The following PPP1R12B variants were observed in gnomAD, a reference collection of about 807,000 sequenced individuals.
The protein encoded by PPP1R12B is myosin phosphatase target subunit 2.
Under a neutral mutation model 126.1 loss-of-function variants are expected in PPP1R12B, and 76 were observed. The ratio of observed to expected loss-of-function variants is 0.60; its 90% confidence interval spans 0.50 to 0.73. PPP1R12B has a LOEUF of 0.73. Ranked by LOEUF, PPP1R12B falls within the 30% of genes least tolerant of loss-of-function variation. The pLI is 0.00. For missense variants in PPP1R12B, 1,052 were observed against 1,205.1 expected (o/e 0.87, Z 1.88); for synonymous variants, 356 against 434.7 (o/e 0.82, Z 2.25).
chr1:202,567,489 G>A (rs1688167849), intron 21 of PPP1R12B: 1 of 329,130 alleles, frequency 3.0e-6, no homozygotes, highest in Admixed American at 4.6e-5. Context: ...GACCTGTGGA[G>A]AGAGAGAGAG....
chr1:202,463,303 C>T (rs1448009830), intron 13 of PPP1R12B, among the ~76,000 whole-genome samples: 1 of 152,124 alleles, frequency 6.6e-6, no homozygotes, highest in Non-Finnish European at 1.5e-5. Flanking sequence ...TTATAAACAT[C>T]AGACCCAAAA....
At chr1:202,462,937 G>T in intron 13 of PPP1R12B, 1 of 985,368 alleles carries the variant, frequency 1.0e-6, no homozygotes, top group African/African-American at 1.7e-5. Flanking sequence ...GCCATTCCTG[G>T]TTTTATGGAA....
At chr1:202,486,452 C>T (rs771297260) in intron 13 of PPP1R12B, among the ~76,000 whole-genome samples, 35 of 152,036 alleles carry the variant, frequency 2.3e-4, no homozygotes, top group Non-Finnish European at 4.7e-4. Flanking sequence ...AAAACAATTA[C>T]CAAAACAGAA....
At chr1:202,392,097 A>C (rs1342837338) in intron 1 of PPP1R12B, among the ~76,000 whole-genome samples, 1 of 142,776 alleles carries the variant, frequency 7.0e-6, no homozygotes, top group Admixed American at 7.0e-5. Context: ...TAAATGAATT[A>C]TCTTCAGGTG....
At chr1:202,452,456 A>G (rs1201315524) in intron 13 of PPP1R12B, among the ~76,000 whole-genome samples, 1 of 152,204 alleles carries the variant, frequency 6.6e-6, no homozygotes, top group Admixed American at 6.5e-5. Context: ...AGGCTGAGGC[A>G]GGAGAATCAG....
intron 18 of PPP1R12B, among the ~76,000 whole-genome samples, chr1:202,536,656 A>G (rs1225475962): frequency 6.6e-6 from 1 of 152,236 alleles, no homozygotes; most frequent in African/African-American, 2.4e-5. Context: ...TTTTTACTTT[A>G]TACGTTTTTA....
chr1:202,415,796 AGAAAATACAT>A (rs1268084128), intron 1 of PPP1R12B, among the ~76,000 whole-genome samples: 1 of 152,226 alleles, frequency 6.6e-6, no homozygotes, highest in Admixed American at 6.5e-5. Context: ...GAAGCCATTC[AGAAAATACAT>A]GAAAATACAT....
rs773716457 is a variant in PPP1R12B at position 202,440,742 on chromosome 1, C to G, written c.1495C>G (p.Pro499Ala). The change falls in exon 11 of 24, where the codon CCC becomes GCC. Residue 499 changes from proline to alanine, a missense_variant. By Grantham distance (27) the Pro-to-Ala change is conservative. Coordinates refer to ENST00000608999, the MANE Select transcript of PPP1R12B (RefSeq NM_002481.4). ...ENKSYISSLA[P>A]RKLNSTSDIE... The stretch of plus-strand genomic sequence containing the variant: ...CAAAAGCTATATTAGTTCACTAGCA[C>G]CCCGGAAGCTCAACAGCACAAGTGA... 1 of 1,613,912 alleles carries G rather than the reference C, an allele frequency of 6.2e-7. No individual in the cohort carries two copies. The highest frequency in any genetic ancestry group is 8.5e-7 in the Non-Finnish European group (1 of 1,179,866).
chr1:202,368,955 A>C (rs973547352), intron 1 of PPP1R12B, among the ~76,000 whole-genome samples: 1 of 152,150 alleles, frequency 6.6e-6, no homozygotes, highest in African/African-American at 2.4e-5. Flanking sequence ...GGCCTCAAGC[A>C]ATCCTCCCAC....
chr1:202,442,654 C>A, intron 12 of PPP1R12B, 82 bp downstream of exon 12: 2 of 1,344,192 alleles, frequency 1.5e-6, no homozygotes, highest in Non-Finnish European at 1.0e-6. Flanking sequence ...CTTTTTATGT[C>A]CAATTAACAC....
At chr1:202,573,526 G>C (rs998009824) in intron 23 of PPP1R12B, among the ~76,000 whole-genome samples, 8 of 151,772 alleles carry the variant, frequency 5.3e-5, no homozygotes, top group African/African-American at 1.9e-4. Context: ...CCACCTTTTT[G>C]TAGTCATTAT....
At chr1:202,387,533 C>T (rs1368680736) in intron 1 of PPP1R12B, among the ~76,000 whole-genome samples, 1 of 152,098 alleles carries the variant, frequency 6.6e-6, no homozygotes, top group Non-Finnish European at 1.5e-5. Context: ...CTTAAATGTG[C>T]CGGCTAGCTA....
chr1:202,426,534 A>G (rs1669532425), intron 4 of PPP1R12B, among the ~76,000 whole-genome samples: 1 of 152,226 alleles, frequency 6.6e-6, no homozygotes, highest in South Asian at 2.1e-4. Context: ...AGAAAGACCA[A>G]CCAGAAGGCT....
chr1:202,574,791 G>A, intron 23 of PPP1R12B: 1 of 494,606 alleles, frequency 2.0e-6, no homozygotes, highest in Non-Finnish European at 3.6e-6. Flanking sequence ...ATCAGACATA[G>A]CTCTCCTTCC....
chr1:202,482,909 T>C (rs1413295573), intron 13 of PPP1R12B, among the ~76,000 whole-genome samples: 2 of 152,222 alleles, frequency 1.3e-5, no homozygotes, highest in African/African-American at 4.8e-5. Flanking sequence ...CTACTTTGAA[T>C]TGATTCTTGT....
At chr1:202,414,536 A>G (rs187798190) in intron 1 of PPP1R12B, among the ~76,000 whole-genome samples, 231 of 152,328 alleles carry the variant, frequency 1.5e-3, no homozygotes, top group African/African-American at 5.2e-3. Context: ...AAAAGTGAAT[A>G]CTGGGATGCT....
At chr1:202,516,176 C>T (rs1317773348) in intron 18 of PPP1R12B, among the ~76,000 whole-genome samples, 5 of 152,084 alleles carry the variant, frequency 3.3e-5, no homozygotes, top group Non-Finnish European at 5.9e-5. Flanking sequence ...TAAATCTTAG[C>T]CGCCATGATG....
chr1:202,423,557 T>G (rs1669101102), intron 3 of PPP1R12B, among the ~76,000 whole-genome samples: 1 of 152,246 alleles, frequency 6.6e-6, no homozygotes, highest in Non-Finnish European at 1.5e-5. Flanking sequence ...ACCACAAACC[T>G]GAAAATACAT....
At chr1:202,494,798 C>T (rs9662384) in intron 15 of PPP1R12B, among the ~76,000 whole-genome samples, 6,180 of 152,084 alleles carry the variant, frequency 0.041, 340 homozygotes, top group African/African-American at 0.12. Flanking sequence ...TTCAGTAAGC[C>T]TGGTTATGGC....
Sources: gnomAD v4.1 joint callset for allele counts (sites outside exome capture counted in the v4.1 genomes callset) on GRCh38, gnomAD v4.1.1 for gene constraint, MANE v1.5 for transcripts, NCBI Gene and HGNC (gene_info 2026-07-23, HGNC 2026-07-21) for gene names.